SLC39A11: variants seen among roughly 807,000 people sequenced by gnomAD.
The protein encoded by SLC39A11 is zinc transporter ZIP11.
A neutral mutation model predicts 36.1 loss-of-function variants in SLC39A11; 33 were observed. The ratio of observed to expected loss-of-function variants is 0.91; its 90% confidence interval spans 0.69 to 1.22. The LOEUF is 1.22. SLC39A11 is among the 50% of genes most tolerant of loss of function. SLC39A11 has a pLI of 0.00. For missense variants in SLC39A11, 432 were observed against 430.3 expected, an observed-to-expected ratio of 1.00 and a Z score of -0.03; for synonymous variants, 166 against 170.3, an observed-to-expected ratio of 0.97 and a Z score of 0.20.
intron 5 of SLC39A11, among the ~76,000 whole-genome samples, chr17:72,926,816 G>A (rs2084076976): frequency 6.6e-6 from 1 of 152,074 alleles, no homozygotes; most frequent in African/African-American, 2.4e-5. Context: ...ACAGGCACTG[G>A]TAGGCCTTAG....
intron 5 of SLC39A11, among the ~76,000 whole-genome samples, chr17:72,939,021 T>C (rs755829788): frequency 1.3e-5 from 2 of 152,154 alleles, no homozygotes; most frequent in African/African-American, 2.4e-5. Context: ...TCCATCTTCC[T>C]CCTTTGTATA....
chr17:72,988,499 G>A (rs2088928254), intron 4 of SLC39A11, among the ~76,000 whole-genome samples: 1 of 152,006 alleles, frequency 6.6e-6, no homozygotes, highest in Non-Finnish European at 1.5e-5. Flanking sequence ...GTACAATTAA[G>A]TTATTACTGA....
At chr17:73,086,449 T>C (rs2060732445) in intron 2 of SLC39A11, among the ~76,000 whole-genome samples, 1 of 152,088 alleles carries the variant, frequency 6.6e-6, no homozygotes, top group African/African-American at 2.4e-5. Flanking sequence ...CTGGCACATG[T>C]TATAACGTGG....
At chr17:72,743,057 A>C (rs1279951062) in intron 6 of SLC39A11, among the ~76,000 whole-genome samples, 8 of 152,230 alleles carry the variant, frequency 5.3e-5, no homozygotes, top group Non-Finnish European at 7.3e-5. Context: ...TTAGCAAAAC[A>C]ATCGCTTGGA....
rs552507782 is a variant in SLC39A11 at position 72,987,998 on chromosome 17, T to A, written c.307-40123A>T. ...CGTAAAAGTCAGCTCTCTTTTTTAT[T>A]ATTTTTGTGAGTACATAGGTGTGTA... On this transcript the variant is annotated intron_variant, in intron 4 of 9. Coordinates refer to ENST00000255559, the MANE Select transcript of SLC39A11 (RefSeq NM_139177.4). 4.3e-4 allele frequency among the ~76,000 whole-genome samples: 65 copies of A among 152,322 alleles called. 2 individuals are homozygous for A. The South Asian group carries it at 0.012, about 28-fold the overall frequency.
intron 6 of SLC39A11, among the ~76,000 whole-genome samples, chr17:72,793,272 A>C (rs1251482542): frequency 6.6e-6 from 1 of 152,178 alleles, no homozygotes; most frequent in African/African-American, 2.4e-5. Flanking sequence ...GCAGGGTCAC[A>C]GATTCCCAGG....
At chr17:72,782,096 G>C (rs1263313013) in intron 6 of SLC39A11, among the ~76,000 whole-genome samples, 1 of 152,110 alleles carries the variant, frequency 6.6e-6, no homozygotes, top group African/African-American at 2.4e-5. Context: ...AGATCATCCT[G>C]CATCAGGATG....
At chr17:72,741,196 A>C (rs1051373601) in intron 6 of SLC39A11, among the ~76,000 whole-genome samples, 42 of 152,254 alleles carry the variant, frequency 2.8e-4, no homozygotes, top group Middle Eastern at 3.4e-3. Flanking sequence ...GTTATGACTT[A>C]ATATATCGTT....
At chr17:72,868,406 G>C (rs1598192062) in intron 5 of SLC39A11, among the ~76,000 whole-genome samples, 1 of 151,760 alleles carries the variant, frequency 6.6e-6, no homozygotes, top group Non-Finnish European at 1.5e-5. Context: ...ATAAGTTTTA[G>C]GCCATGCTAA....
chr17:72,833,807 G>A (rs978503683), intron 6 of SLC39A11, among the ~76,000 whole-genome samples: 4 of 152,078 alleles, frequency 2.6e-5, no homozygotes, highest in African/African-American at 9.7e-5. Flanking sequence ...TCTCGAGCCT[G>A]CTACACAAGT....
intron 4 of SLC39A11, among the ~76,000 whole-genome samples, chr17:72,951,001 C>T (rs1406263297): frequency 2.0e-5 from 3 of 151,958 alleles, no homozygotes; most frequent in Non-Finnish European, 4.4e-5. Flanking sequence ...GTGGCTCATG[C>T]CTATAATCCC....
intron 6 of SLC39A11, among the ~76,000 whole-genome samples, chr17:72,845,317 T>A (rs898680409): frequency 6.6e-6 from 1 of 152,164 alleles, no homozygotes; most frequent in Non-Finnish European, 1.5e-5. Context: ...ACCTTGTACT[T>A]CTCTCCCTGC....
At chr17:73,085,310 C>T (rs1248718884) in intron 2 of SLC39A11, among the ~76,000 whole-genome samples, 1 of 151,608 alleles carries the variant, frequency 6.6e-6, no homozygotes, top group Admixed American at 6.6e-5. Flanking sequence ...AGTTCAAGAC[C>T]AGCCTAGCCA....
At chr17:72,763,412 A>C (rs2075658897) in intron 6 of SLC39A11, among the ~76,000 whole-genome samples, 1 of 152,250 alleles carries the variant, frequency 6.6e-6, no homozygotes, top group Non-Finnish European at 1.5e-5. Flanking sequence ...AACCGACATC[A>C]CATTTTATAG....
chr17:72,666,073 G>T (rs1316714122), intron 7 of SLC39A11, among the ~76,000 whole-genome samples: 1 of 152,180 alleles, frequency 6.6e-6, no homozygotes, highest in Non-Finnish European at 1.5e-5. Flanking sequence ...TCAGCAGGGA[G>T]CATGTCACAA....
At chr17:72,935,216 T>C (rs528097240) in intron 5 of SLC39A11, among the ~76,000 whole-genome samples, 1 of 152,306 alleles carries the variant, frequency 6.6e-6, no homozygotes, top group East Asian at 1.9e-4. Flanking sequence ...ACTTGCAACA[T>C]AATGAAGTTC....
chr17:72,889,084 T>C (rs2081588109), intron 5 of SLC39A11, among the ~76,000 whole-genome samples: 2 of 152,146 alleles, frequency 1.3e-5, no homozygotes, highest in East Asian at 3.8e-4. Context: ...TTTGCCCATT[T>C]TAAAAGGGAG....
intron 7 of SLC39A11, among the ~76,000 whole-genome samples, chr17:72,707,118 G>A (rs2072923728): frequency 6.6e-6 from 1 of 152,194 alleles, no homozygotes; most frequent in South Asian, 2.1e-4. Context: ...AATTTTGCTA[G>A]GCCGGGCATC....
intron 6 of SLC39A11, among the ~76,000 whole-genome samples, chr17:72,754,039 T>TAC (rs1468497971): frequency 0.017 from 1,860 of 108,752 alleles, 7 homozygotes; most frequent in Non-Finnish European, 0.023. Context: ...TATATATATA[T>TAC]ATATATACAC....
Sources: allele counts gnomAD v4.1 joint callset (sites outside exome capture counted in the v4.1 genomes callset), GRCh38; gene constraint gnomAD v4.1.1; transcripts MANE v1.5; gene names NCBI Gene and HGNC (gene_info 2026-07-23, HGNC 2026-07-21).